Variants in NLRP2 observed in about 807,000 individuals in gnomAD.
NLRP2 encodes NACHT, LRR and PYD domains-containing protein 2.
NLRP2 carries 107 observed loss-of-function variants against 97.2 expected under a neutral mutation model. That is an observed-to-expected ratio of 1.10 (90% confidence interval 0.94 to 1.29). The LOEUF (loss-of-function observed/expected upper bound fraction) is 1.29. NLRP2 is among the 50% of genes most tolerant of loss of function. NLRP2 has a pLI of 0.00. For missense variants in NLRP2, 1,495 were observed against 1,330.3 expected (o/e 1.12, Z -1.93); for synonymous variants, 663 against 551.5 (o/e 1.20, Z -2.83).
In NLRP2 at chr19:54,990,684, C is replaced by CT. The variant is rs776614802; in HGVS notation, c.2708+13dup. The CT allele has an allele frequency of 1.2e-6, 2 of 1,614,072 alleles. No homozygotes were observed. The highest frequency in any genetic ancestry group is 2.2e-5 in the South Asian group (2 of 91,076). On this transcript the variant is annotated intron_variant, in intron 10 of 12. Transcript: ENST00000448584. ...CTGCAGACCTTGGTGTAAGTCCGTG[C>CT]TGGCTGCCTGTGTGCGTGGGTGTAT...
At chr19:54,989,967 T>A in intron 8 of NLRP2, 55 bp from the exon 9 acceptor site, 1 of 1,581,798 alleles carries the variant, frequency 6.3e-7, no homozygotes, top group Non-Finnish European at 8.6e-7. Context: ...GCAACAAGAG[T>A]GAGACTCAGT....
At chr19:54,967,002 T>C (rs1302687133) in intron 1 of NLRP2, among the ~76,000 whole-genome samples, 2 of 151,704 alleles carry the variant, frequency 1.3e-5, no homozygotes, top group Non-Finnish European at 2.9e-5. Context: ...CCACCACATC[T>C]GTTCTGGCTA....
chr19:54,980,292 G>A (rs1305511166), intron 4 of NLRP2, among the ~76,000 whole-genome samples: 4 of 151,206 alleles, frequency 2.6e-5, no homozygotes, highest in South Asian at 2.1e-4. Context: ...TCCATCTCCC[G>A]GGTTCACGCC....
chr19:54,970,342 C>T (rs778931153), intron 2 of NLRP2, 47 bp downstream of exon 2: 3 of 1,607,732 alleles, frequency 1.9e-6, no homozygotes, highest in Admixed American at 1.7e-5. Context: ...AAGCAGGCGT[C>T]CTCTCCAGGA....
At chr19:54,997,961 A>C (rs2072930305) in intron 12 of NLRP2, among the ~76,000 whole-genome samples, 1 of 149,484 alleles carries the variant, frequency 6.7e-6, no homozygotes, top group African/African-American at 2.5e-5. Flanking sequence ...GCCATTTGTC[A>C]CTGGGCTGTG....
At chr19:54,990,789 G>A (rs1475362232) in intron 10 of NLRP2, 117 bp downstream of exon 10, 2 of 1,068,174 alleles carry the variant, frequency 1.9e-6, no homozygotes, top group Non-Finnish European at 2.9e-6. Context: ...CAAGCATGAT[G>A]CTAATGACAA....
intron 8 of NLRP2, among the ~76,000 whole-genome samples, chr19:54,986,933 G>A (rs1302549911): frequency 6.6e-6 from 1 of 151,666 alleles, no homozygotes; most frequent in Non-Finnish European, 1.5e-5. Context: ...CACCCAGGCT[G>A]GAGTGCGTTG....
At chr19:54,994,502 A>T in intron 11 of NLRP2, 63 bp downstream of exon 11, 1 of 1,569,784 alleles carries the variant, frequency 6.4e-7, no homozygotes. Flanking sequence ...GGCTAGTGTA[A>T]AATAATCAGT....
chr19:54,973,788 C>T (rs1334711899), intron 2 of NLRP2: 3 of 571,256 alleles, frequency 5.3e-6, no homozygotes, highest in Non-Finnish European at 1.0e-5. Context: ...TACAAATTTT[C>T]TTTCCATGCC....
chr19:54,974,636 G>A, intron 3 of NLRP2, 92 bp downstream of exon 3: 3 of 939,302 alleles, frequency 3.2e-6, no homozygotes, highest in Non-Finnish European at 5.2e-6. Context: ...CACTAAGAAT[G>A]CAAAGAAATG....
At chr19:54,984,070 T>C (rs2071855181) in intron 6 of NLRP2, among the ~76,000 whole-genome samples, 1 of 152,070 alleles carries the variant, frequency 6.6e-6, no homozygotes, top group Non-Finnish European at 1.5e-5. Context: ...AGTCTGGTCT[T>C]GAACTCCGCC....
intron 1 of NLRP2, among the ~76,000 whole-genome samples, chr19:54,966,712 AT>A (rs892403599): frequency 1.3e-3 from 196 of 146,652 alleles, no homozygotes; most frequent in Middle Eastern, 7.9e-3. Flanking sequence ...TGCCCAGCTA[AT>A]TTTTTTGTAT....
intron 12 of NLRP2, 30 bp downstream of exon 12, chr19:54,997,517 T>C (rs1489301549): frequency 6.2e-7 from 1 of 1,612,292 alleles, no homozygotes; most frequent in Admixed American, 1.7e-5. Flanking sequence ...CCATCAGGCT[T>C]TCTCCAGAGT....
At position 54,992,633 on chromosome 19, in the gene NLRP2, C is replaced by T. The variant is rs555035599; in HGVS notation, c.2709-1636C>T. On this transcript the variant is annotated intron_variant, in intron 10 of 12. Transcript: ENST00000448584. ...AGGCTGGAATGCAGTGGCTCCATCT[C>T]AGCTCACTGCAACCTCCACCTCCTG... Among the ~76,000 whole-genome samples, 5 of 138,458 alleles carry T rather than the reference C, an allele frequency of 3.6e-5. No individual in the cohort carries two copies. The East Asian group carries it at 9.3e-4, about 26-fold the overall frequency. The allele number at this position is 138,458 out of a possible 152,430, so 90.8% of individuals were successfully genotyped here. A position where few individuals can be genotyped will look rare whatever the true frequency, so the allele number is the denominator to read the frequency against.
Position 54,983,073 on chromosome 19 carries a change from T to C in NLRP2, c.1375T>C (p.Trp459Arg), listed in dbSNP as rs2071733141. ...TLSLLAAQGLWAQTSVLHRED... is the reference protein window; with the variant it reads ...TLSLLAAQGLRAQTSVLHRED... ...GAGCCTCCTGGCCGCGCAGGGCCTG[T>C]GGGCGCAGACGTCCGTGCTTCACCG... The change falls in exon 6 of 13, where the codon TGG (tryptophan) becomes CGG (arginine). Residue 459 changes from tryptophan (W) to arginine (R), a missense_variant. Physicochemically the swap from Trp to Arg is moderately radical, Grantham distance 101. Transcript: ENST00000448584. 6.2e-7 allele frequency: 1 copy of C among 1,612,426 alleles called. No individual in the cohort carries two copies. Among genetic ancestry groups the C allele is most frequent in the South Asian group, 1.1e-5 (1 of 91,022 alleles).
intron 8 of NLRP2, chr19:54,989,629 C>T (rs2072324550): frequency 1.6e-5 from 5 of 316,822 alleles, no homozygotes; most frequent in South Asian, 6.3e-5. Flanking sequence ...TAATTCAAGT[C>T]GGGGTATAAC....
In NLRP2 at chr19:54,986,223, G is replaced by T. The variant is rs144434448; in HGVS notation, c.2274G>T (p.Thr758=). The T allele has an allele frequency of 6.2e-7, 1 of 1,612,472 alleles. No individual in the cohort carries two copies. The highest frequency in any genetic ancestry group is 1.1e-5 in the South Asian group (1 of 91,048). The change falls in exon 8 of 13, where the codon ACG becomes ACT. Residue 758 remains threonine, a synonymous_variant. Coordinates refer to ENST00000448584, the MANE Select transcript of NLRP2 (RefSeq NM_017852.5). ...CTCTTCGAGGTCACAAGACTGTAACGTATCTGACCCTTCAAGGCAATGACC... is the reference window on the plus strand; with the variant it reads ...CTCTTCGAGGTCACAAGACTGTAACTTATCTGACCCTTCAAGGCAATGACC... ...CLALRGHKTV[T]YLTLQGNDQD...
chr19:54,977,420 T>C (rs1424409713), intron 3 of NLRP2, among the ~76,000 whole-genome samples: 1 of 148,620 alleles, frequency 6.7e-6, no homozygotes, highest in Non-Finnish European at 1.5e-5. Context: ...AAACTACATC[T>C]CAAAAAAAAA....
Position 54,983,000 on chromosome 19 carries a change from C to T in NLRP2, c.1302C>T (p.Cys434=), listed in dbSNP as rs769464388. ...TRTGLFLRFL[C]SRFPQGAQLR... ...CGGGGCTGTTCCTGCGTTTCCTCTGCAGCCGGTTCCCGCAGGGCGCACAGC... is the reference window on the plus strand; with the variant it reads ...CGGGGCTGTTCCTGCGTTTCCTCTGTAGCCGGTTCCCGCAGGGCGCACAGC... The change falls in exon 6 of 13, where the codon TGC becomes TGT. Residue 434 remains cysteine (C), a synonymous_variant. Coordinates refer to ENST00000448584, the MANE Select transcript of NLRP2 (RefSeq NM_017852.5). The T allele has an allele frequency of 2.7e-5, 44 of 1,610,588 alleles. No individual in the cohort carries two copies. In the South Asian group the frequency reaches 4.4e-4, roughly 16 times the overall value.
Sources: gnomAD v4.1 joint callset for allele counts (sites outside exome capture counted in the v4.1 genomes callset) on GRCh38, gnomAD v4.1.1 for gene constraint, MANE v1.5 for transcripts, NCBI Gene and HGNC (gene_info 2026-07-23, HGNC 2026-07-21) for gene names.